Variants in PLCL1 observed in about 807,000 individuals in gnomAD.
PLCL1 encodes phospholipase C like 1 (inactive).
In PLCL1, 41 loss-of-function variants were observed where a neutral mutation model predicts 84.4. The observed-to-expected ratio is 0.49, with a 90% confidence interval of 0.38 to 0.63. PLCL1 has a LOEUF of 0.63. Ranked by LOEUF, PLCL1 falls within the 30% of genes least tolerant of loss-of-function variation. PLCL1 has a pLI of 0.00. For synonymous variants in PLCL1, 490 were observed against 488.3 expected, an observed-to-expected ratio of 1.00 and a Z score of -0.05; for missense variants, 1,206 against 1,367.8, an observed-to-expected ratio of 0.88 and a Z score of 1.87.
chr2:198,135,904 T>G (rs1402443316), intron 5 of PLCL1, among the ~76,000 whole-genome samples: 1 of 152,216 alleles, frequency 6.6e-6, no homozygotes, highest in East Asian at 1.9e-4. Context: ...TGTTTGACAC[T>G]GAACAATGTT....
chr2:197,864,611 G>A (rs934409153), intron 1 of PLCL1, among the ~76,000 whole-genome samples: 3 of 151,612 alleles, frequency 2.0e-5, no homozygotes, highest in African/African-American at 7.3e-5. Context: ...CTCCCAAGTA[G>A]CTGGGACTAC....
chr2:197,925,338 G>C (rs1159263563), intron 1 of PLCL1, among the ~76,000 whole-genome samples: 1 of 152,154 alleles, frequency 6.6e-6, no homozygotes, highest in Non-Finnish European at 1.5e-5. Context: ...CTTGAATTTT[G>C]AGTGGGGTGT....
intron 3 of PLCL1, among the ~76,000 whole-genome samples, chr2:198,090,480 T>C (rs1010668337): frequency 1.3e-5 from 2 of 152,142 alleles, no homozygotes; most frequent in Non-Finnish European, 1.5e-5. Flanking sequence ...AAGATGAAGA[T>C]TTTGTCATTA....
At chr2:198,105,400 G>C (rs984439100) in intron 5 of PLCL1, among the ~76,000 whole-genome samples, 1 of 151,948 alleles carries the variant, frequency 6.6e-6, no homozygotes, top group Non-Finnish European at 1.5e-5. Context: ...CCAATGCCAT[G>C]CTGTTTTGAT....
chr2:197,833,802 T>G lies in PLCL1; in HGVS notation c.240+28463T>G, dbSNP rs549470174. On this transcript the variant is annotated intron_variant, in intron 1 of 5. Coordinates refer to ENST00000428675, the MANE Select transcript of PLCL1 (RefSeq NM_006226.4). ...GTTACCATTGACTTTCTTCACAGAATTAGAAAAAACTGGTTCAAATTTCAT... is the reference window on the plus strand; with the variant it reads ...GTTACCATTGACTTTCTTCACAGAAGTAGAAAAAACTGGTTCAAATTTCAT... 3.1e-3 allele frequency among the ~76,000 whole-genome samples: 478 copies of G among 152,304 alleles called. 2 individuals are homozygous for G. The highest frequency in any genetic ancestry group is 5.6e-3 in the Non-Finnish European group (381 of 68,014).
chr2:198,127,708 G>A (rs932548932), intron 5 of PLCL1, among the ~76,000 whole-genome samples: 1 of 152,130 alleles, frequency 6.6e-6, no homozygotes, highest in East Asian at 1.9e-4. Context: ...TATATGCTTA[G>A]AATGACTTAG....
chr2:197,878,552 A>G (rs1027669276), intron 1 of PLCL1, among the ~76,000 whole-genome samples: 5 of 152,212 alleles, frequency 3.3e-5, no homozygotes, highest in Admixed American at 2.0e-4. Context: ...TCTAGGATAC[A>G]TAAGCAAGAT....
At chr2:197,921,665 A>G (rs1191189766) in intron 1 of PLCL1, among the ~76,000 whole-genome samples, 1 of 152,006 alleles carries the variant, frequency 6.6e-6, no homozygotes, top group African/African-American at 2.4e-5. Context: ...TGCACACTCC[A>G]CTCTTGTTCC....
At chr2:197,846,957 A>G (rs1267941441) in intron 1 of PLCL1, among the ~76,000 whole-genome samples, 3 of 152,076 alleles carry the variant, frequency 2.0e-5, no homozygotes, top group South Asian at 2.1e-4. Flanking sequence ...TCTTTTCCAC[A>G]TTTTATAACT....
intron 5 of PLCL1, among the ~76,000 whole-genome samples, chr2:198,107,949 G>C (rs1693529386): frequency 6.6e-6 from 1 of 151,782 alleles, no homozygotes. Flanking sequence ...CCCAAGAGCT[G>C]GACAAATGAC....
intron 5 of PLCL1, among the ~76,000 whole-genome samples, chr2:198,134,581 C>T (rs776440617): frequency 1.1e-4 from 16 of 152,194 alleles, no homozygotes; most frequent in East Asian, 1.9e-4. Flanking sequence ...ATGGGCCAGC[C>T]GTACACATGC....
At chr2:197,810,698 A>G (rs1157233483) in intron 1 of PLCL1, among the ~76,000 whole-genome samples, 1 of 152,238 alleles carries the variant, frequency 6.6e-6, no homozygotes, top group African/African-American at 2.4e-5. Context: ...CTTCTAGGCA[A>G]TGCCACAGCA....
intron 1 of PLCL1, among the ~76,000 whole-genome samples, chr2:197,959,397 C>T (rs192350935): frequency 1.2e-3 from 186 of 152,078 alleles, no homozygotes; most frequent in African/African-American, 4.2e-3. Flanking sequence ...ACATTGTGGA[C>T]GGTGATCTGC....
At chr2:198,027,607 A>C (rs903477434) in intron 1 of PLCL1, among the ~76,000 whole-genome samples, 3 of 152,186 alleles carry the variant, frequency 2.0e-5, no homozygotes, top group African/African-American at 7.2e-5. Flanking sequence ...GTTGTACACC[A>C]TAAATATATA....
intron 5 of PLCL1, among the ~76,000 whole-genome samples, chr2:198,135,546 C>T (rs867958704): frequency 9.9e-5 from 15 of 152,136 alleles, no homozygotes; most frequent in African/African-American, 3.6e-4. Context: ...ATCACACAAA[C>T]CTAAATTCAT....
intron 1 of PLCL1, among the ~76,000 whole-genome samples, chr2:197,806,594 T>C (rs1481971779): frequency 6.6e-6 from 1 of 152,234 alleles, no homozygotes; most frequent in Non-Finnish European, 1.5e-5. Flanking sequence ...GTTTCTGTTA[T>C]TTTGTGGCTT....
intron 1 of PLCL1, among the ~76,000 whole-genome samples, chr2:198,029,035 T>G (rs1574258087): frequency 6.6e-6 from 1 of 152,232 alleles, no homozygotes; most frequent in Non-Finnish European, 1.5e-5. Context: ...ACTTGGTATA[T>G]TCACAGCATA....
intron 1 of PLCL1, among the ~76,000 whole-genome samples, chr2:197,989,697 C>T (rs1393486462): frequency 6.6e-6 from 1 of 151,844 alleles, no homozygotes; most frequent in East Asian, 1.9e-4. Flanking sequence ...GAGTGAGACT[C>T]TGTCTCAAAA....
At chr2:198,070,197 A>C (rs1692427104) in intron 1 of PLCL1, among the ~76,000 whole-genome samples, 1 of 152,170 alleles carries the variant, frequency 6.6e-6, no homozygotes, top group Non-Finnish European at 1.5e-5. Flanking sequence ...ATTCTTACTG[A>C]GCCCAATACT....
Sources: gnomAD v4.1 joint callset for allele counts (sites outside exome capture counted in the v4.1 genomes callset) on GRCh38, gnomAD v4.1.1 for gene constraint, MANE v1.5 for transcripts, NCBI Gene and HGNC (gene_info 2026-07-23, HGNC 2026-07-21) for gene names.